The following AVL9 variants were observed in gnomAD, a reference collection of about 807,000 sequenced individuals.
AVL9 encodes AVL9 cell migration associated, also known as late secretory pathway protein AVL9 homolog.
Under a neutral mutation model 79.2 loss-of-function variants are expected in AVL9, and 49 were observed. The observed-to-expected ratio is 0.62, with a 90% confidence interval of 0.49 to 0.79. The LOEUF is 0.79. Among genes scored for constraint, AVL9 ranks in the 30% least tolerant of loss-of-function variants. The probability of loss-of-function intolerance (pLI) is 0.00; values close to 1 mark genes in which losing one functional copy is unlikely to be tolerated. For synonymous variants in AVL9, 299 were observed against 280.6 expected, an observed-to-expected ratio of 1.07 and a Z score of -0.65; for missense variants, 682 against 776.8, an observed-to-expected ratio of 0.88 and a Z score of 1.45.
chr7:32,583,170 C>T (rs1330256965), intron 15 of AVL9, among the ~76,000 whole-genome samples: 1 of 152,180 alleles, frequency 6.6e-6, no homozygotes, highest in Non-Finnish European at 1.5e-5. Context: ...ATACACAAAG[C>T]AGTTTGACTT....
chr7:32,530,800 A>G (rs1412823181), intron 1 of AVL9, among the ~76,000 whole-genome samples: 2 of 152,120 alleles, frequency 1.3e-5, no homozygotes, highest in Admixed American at 6.6e-5. Context: ...ATAAAAATAC[A>G]TAAAAATTAG....
In AVL9 at chr7:32,561,834, C is replaced by G. The variant is rs562177421; in HGVS notation, c.1215+2370C>G. On this transcript the variant is annotated intron_variant, in intron 10 of 15. Coordinates refer to ENST00000318709, the MANE Select transcript of AVL9 (RefSeq NM_015060.3). Reference sequence around the variant, plus strand: ...TTTTGATTTCAAATAAGATGTGAGACTCTTACTTAAACACTTAGAGGCCAT... The same window carrying G: ...TTTTGATTTCAAATAAGATGTGAGAGTCTTACTTAAACACTTAGAGGCCAT... Among the ~76,000 whole-genome samples the G allele has an allele frequency of 1.6e-4, 24 of 152,306 alleles. 1 individual carries two copies. The South Asian group carries it at 5.0e-3, about 32-fold the overall frequency.
At chr7:32,573,502 A>G (rs1790953351) in intron 12 of AVL9, 84 bp downstream of exon 12, 9 of 1,189,364 alleles carry the variant, frequency 7.6e-6, no homozygotes, top group East Asian at 2.4e-5. Flanking sequence ...GGATTGCACA[A>G]TAAATACATA....
chr7:32,502,406 A>AAAAAAAAAAAAAAAAAAAG (rs201243248), intron 1 of AVL9, among the ~76,000 whole-genome samples: 3 of 140,116 alleles, frequency 2.1e-5, no homozygotes, highest in Non-Finnish European at 3.1e-5. Context: ...AAAAAAAAAA[A>AAAAAAAAAAAAAAAAAAAG]AAAGAAAGAA....
chr7:32,576,309 T>C (rs1246197831), intron 13 of AVL9, among the ~76,000 whole-genome samples: 1 of 152,190 alleles, frequency 6.6e-6, no homozygotes, highest in Non-Finnish European at 1.5e-5. Flanking sequence ...GCTCTCGATG[T>C]GATTCAGAGA....
intron 10 of AVL9, among the ~76,000 whole-genome samples, chr7:32,568,456 C>T (rs1790683595): frequency 6.6e-6 from 1 of 152,084 alleles, no homozygotes; most frequent in Admixed American, 6.5e-5. Context: ...CTGCCTCAGC[C>T]TCCCAAAATG....
At chr7:32,517,539 C>T (rs560488671) in intron 1 of AVL9, among the ~76,000 whole-genome samples, 13 of 151,826 alleles carry the variant, frequency 8.6e-5, no homozygotes, top group East Asian at 1.9e-4. Context: ...CTCCTGACCT[C>T]GTGATCCACC....
chr7:32,507,313 A>G (rs184624504), intron 1 of AVL9, among the ~76,000 whole-genome samples: 5 of 152,348 alleles, frequency 3.3e-5, no homozygotes, highest in Admixed American at 3.3e-4. Flanking sequence ...CCCAATATAT[A>G]GATCACACTG....
chr7:32,551,329 T>G lies in AVL9; in HGVS notation c.373-5T>G. ...TCAATGGTAATTTCTCTTTTTTCCT[T>G]TAAGCCTCTGTATGGTTTACTTCAA... On this transcript the variant is annotated splice_region_variant and splice_polypyrimidine_tract_variant and intron_variant, in intron 4 of 15. Coordinates refer to ENST00000318709, the MANE Select transcript of AVL9 (RefSeq NM_015060.3). The G allele has an allele frequency of 1.3e-6, 2 of 1,579,858 alleles. No homozygotes were observed. Among genetic ancestry groups the G allele is most frequent in the Non-Finnish European group, 1.7e-6 (2 of 1,152,694 alleles).
intron 10 of AVL9, 60 bp downstream of exon 10, chr7:32,559,524 TAACTTTTG>T: frequency 1.3e-6 from 2 of 1,491,338 alleles, no homozygotes; most frequent in Non-Finnish European, 1.8e-6. Flanking sequence ...TTTCGGAGTT[TAACTTTTG>T]AACTTTTGGT....
At chr7:32,528,478 G>T (rs1788498704) in intron 1 of AVL9, among the ~76,000 whole-genome samples, 1 of 152,082 alleles carries the variant, frequency 6.6e-6, no homozygotes, top group South Asian at 2.1e-4. Flanking sequence ...AACAATTCTG[G>T]CAACCCAGGT....
At chr7:32,498,448 C>G (rs34113220) in intron 1 of AVL9, among the ~76,000 whole-genome samples, 51,170 of 151,804 alleles carry the variant, frequency 0.34, 8,918 homozygotes, top group South Asian at 0.44. Context: ...CGGGGTTTCA[C>G]CATGTTGGTC....
chr7:32,504,959 C>A (rs1460317782), intron 1 of AVL9, among the ~76,000 whole-genome samples: 1 of 152,020 alleles, frequency 6.6e-6, no homozygotes, highest in East Asian at 2.0e-4. Flanking sequence ...CTGCAACCTC[C>A]ACCTCCTGGG....
intron 3 of AVL9, among the ~76,000 whole-genome samples, chr7:32,545,119 G>T (rs1039678979): frequency 1.3e-5 from 2 of 152,052 alleles, no homozygotes; most frequent in African/African-American, 4.8e-5. Flanking sequence ...AAATTGAGTG[G>T]TAATGCTTGT....
At chr7:32,560,240 T>TA (rs200558965) in intron 10 of AVL9, among the ~76,000 whole-genome samples, 1,609 of 110,872 alleles carry the variant, frequency 0.015, 22 homozygotes, top group African/African-American at 0.046. Context: ...GTTTATTATT[T>TA]AAAATTTAAT....
intron 10 of AVL9, among the ~76,000 whole-genome samples, chr7:32,561,481 T>C (rs114836627): frequency 0.011 from 1,627 of 152,320 alleles, 23 homozygotes; most frequent in African/African-American, 0.037. Flanking sequence ...TCAGCTTTCA[T>C]ATAATCGAAG....
At position 32,523,756 on chromosome 7, in the gene AVL9, C is replaced by T. The variant is rs547568977; in HGVS notation, c.94-19385C>T. 2.7e-3 allele frequency among the ~76,000 whole-genome samples: 332 copies of T among 125,098 alleles called. 1 individual carries two copies. In the Middle Eastern group the frequency reaches 0.062, roughly 23 times the overall value. 82.1% of individuals were successfully genotyped at this position (125,098 alleles called of 152,430 possible). On this transcript the variant is annotated intron_variant, in intron 1 of 15. Transcript: ENST00000318709. The stretch of plus-strand genomic sequence containing the variant: ...CTTTTCTTTTTTTTTTTTTTTGAGA[C>T]GGAGTCTTGCTCTGTCACTCAGGCT...
Position 32,571,229 on chromosome 7 carries a change from CA to C in AVL9, c.1350+1094del, listed in dbSNP as rs35287763. On this transcript the variant is annotated intron_variant, in intron 11 of 15. Coordinates refer to ENST00000318709, the MANE Select transcript of AVL9 (RefSeq NM_015060.3). ...CCTGGGTGACAGAGTGACCCTGTCTCAAAAAAAAAAAAAAAAAAAGCCAGCT... is the reference window on the plus strand; with the variant it reads ...CCTGGGTGACAGAGTGACCCTGTCTCAAAAAAAAAAAAAAAAAAGCCAGCT... Among the ~76,000 whole-genome samples, 472 of 65,102 alleles carry C rather than the reference CA, an allele frequency of 7.3e-3. 1 individual carries two copies. The highest frequency in any genetic ancestry group is 0.023 in the African/African-American group (386 of 16,818). 42.7% of individuals were successfully genotyped at this position (65,102 alleles called of 152,430 possible).
At chr7:32,508,547 A>G (rs1373979727) in intron 1 of AVL9, among the ~76,000 whole-genome samples, 1 of 152,250 alleles carries the variant, frequency 6.6e-6, no homozygotes, top group Non-Finnish European at 1.5e-5. Flanking sequence ...TTTACTTAAT[A>G]GCACATCTCG....
Sources: allele counts gnomAD v4.1 joint callset (sites outside exome capture counted in the v4.1 genomes callset), GRCh38; gene constraint gnomAD v4.1.1; transcripts MANE v1.5; gene names NCBI Gene and HGNC (gene_info 2026-07-23, HGNC 2026-07-21).